The following ARHGEF10 variants were observed in gnomAD, a reference collection of about 807,000 sequenced individuals.
The protein encoded by ARHGEF10 is Rho guanine nucleotide exchange factor (GEF) 10.
A neutral mutation model predicts 147.4 loss-of-function variants in ARHGEF10; 140 were observed. The observed-to-expected ratio is 0.95, with a 90% CI of 0.83 to 1.09. ARHGEF10 has a LOEUF of 1.09. ARHGEF10 is among the 50% of genes least tolerant of loss of function. The pLI, the probability that ARHGEF10 is intolerant of heterozygous loss-of-function variation, is 0.00. For synonymous variants in ARHGEF10, 902 were observed against 695.8 expected (o/e 1.30, Z -4.67); for missense variants, 2,222 against 1,752.7 (o/e 1.27, Z -4.78).
At chr8:1,839,206 T>C (rs1430276781) in intron 1 of ARHGEF10, among the ~76,000 whole-genome samples, 1 of 66,136 alleles carries the variant, frequency 1.5e-5, no homozygotes, top group African/African-American at 6.9e-5. Context: ...GGGACTGTTT[T>C]GTGTGGGGAC....
In ARHGEF10 at chr8:1,851,909, G is replaced by C. The variant is rs540396074; in HGVS notation, c.38-6051G>C. 8.3e-5 allele frequency among the ~76,000 whole-genome samples: 10 copies of C among 120,034 alleles called. No individual in the cohort carries two copies. In the East Asian group the frequency reaches 2.3e-3, roughly 28 times the overall value. 78.7% of individuals were successfully genotyped at this position (120,034 alleles called of 152,430 possible). A position where few individuals can be genotyped will look rare whatever the true frequency, so the allele number is the denominator to read the frequency against. ...AGCGCGGGCAACAGAGCATGACTCTGTCTCAAAAAAAAAAAAAATTAATAA... is the reference window on the plus strand; with the variant it reads ...AGCGCGGGCAACAGAGCATGACTCTCTCTCAAAAAAAAAAAAAATTAATAA... On this transcript the variant is annotated intron_variant, in intron 2 of 28. Transcript: ENST00000349830.
rs1287135996 is a variant in ARHGEF10, at chr8:1,927,948, GA to G, written c.2698-470del. 1.1e-4 allele frequency among the ~76,000 whole-genome samples: 16 copies of G among 150,550 alleles called. No homozygotes were observed. In the South Asian group the frequency reaches 1.9e-3, roughly 18 times the overall value. ...AGAGTGAGACTGTCTCCAAAAAAAA[GA>G]AAAAAAAAGAAATTCCACAGCATAC... On this transcript the variant is annotated intron_variant, in intron 23 of 28. Transcript: ENST00000349830.
chr8:1,956,732 A>G lies in ARHGEF10; in HGVS notation c.3521-17A>G, dbSNP rs1815596394. On this transcript the variant is annotated splice_polypyrimidine_tract_variant and intron_variant, in intron 28 of 28. Transcript: ENST00000349830. ...GCCTATTTTAAAAGACAGCTGTTGA[A>G]CTGTTTCCCTTTTCAGGAAGAGGCA... 1 of 1,613,574 alleles carries G rather than the reference A, an allele frequency of 6.2e-7. No individual in the cohort carries two copies. The highest frequency in any genetic ancestry group is 1.1e-5 in the South Asian group (1 of 91,074).
intron 28 of ARHGEF10, among the ~76,000 whole-genome samples, chr8:1,955,857 G>T (rs1294387559): frequency 6.6e-6 from 1 of 152,260 alleles, no homozygotes; most frequent in Non-Finnish European, 1.5e-5. Flanking sequence ...GATCACAGGT[G>T]TGTGCTTCGC....
chr8:1,892,277 C>CTGTGTGTG (rs66526026), intron 11 of ARHGEF10, among the ~76,000 whole-genome samples: 4,227 of 126,556 alleles, frequency 0.033, 143 homozygotes, highest in African/African-American at 0.069. Context: ...GCTTCTGGCT[C>CTGTGTGTG]TGTGTGTGTG....
chr8:1,831,308 A>G (rs113445074), intron 1 of ARHGEF10, among the ~76,000 whole-genome samples: 1,646 of 58,856 alleles, frequency 0.028, no homozygotes, highest in African/African-American at 0.039. Flanking sequence ...TGTGACATCC[A>G]TGGAGGGACA....
chr8:1,947,557 G>A (rs904417750), intron 27 of ARHGEF10, among the ~76,000 whole-genome samples: 3 of 151,920 alleles, frequency 2.0e-5, no homozygotes, highest in Admixed American at 6.6e-5. Flanking sequence ...CAGCACTCAC[G>A]CCCAGGCTAT....
At chr8:1,861,843 C>G (rs942439271) in intron 4 of ARHGEF10, among the ~76,000 whole-genome samples, 6 of 152,250 alleles carry the variant, frequency 3.9e-5, no homozygotes, top group African/African-American at 1.4e-4. Context: ...GTGTAGGATT[C>G]TTGGCTGAAG....
intron 6 of ARHGEF10, among the ~76,000 whole-genome samples, chr8:1,867,708 T>A (rs1002444088): frequency 6.6e-5 from 10 of 152,234 alleles, no homozygotes; most frequent in African/African-American, 1.7e-4. Context: ...TTGTTTTTTT[T>A]AATTTTTAAA....
rs188626595 is a variant in ARHGEF10, at chr8:1,868,360, C to G, written c.623-834C>G. ...GTATGTTTTTGATGCAGTCATATGTCATAGTTTGGACGTTCTCTTGCAGGG... is the reference window on the plus strand; with the variant it reads ...GTATGTTTTTGATGCAGTCATATGTGATAGTTTGGACGTTCTCTTGCAGGG... On this transcript the variant is annotated intron_variant, in intron 6 of 28. Coordinates refer to ENST00000349830, the MANE Select transcript of ARHGEF10 (RefSeq NM_014629.4). 1.8e-3 allele frequency among the ~76,000 whole-genome samples: 267 copies of G among 152,242 alleles called. 1 individual carries two copies. The highest frequency in any genetic ancestry group is 9.4e-4 in the Non-Finnish European group (64 of 68,026).
At chr8:1,847,448 A>G (rs990786375) in intron 2 of ARHGEF10, among the ~76,000 whole-genome samples, 2 of 152,234 alleles carry the variant, frequency 1.3e-5, no homozygotes, top group African/African-American at 4.8e-5. Flanking sequence ...AATGCAAATT[A>G]CATTAGGGCA....
chr8:1,942,503 G>A lies in ARHGEF10; in HGVS notation c.3223-2978G>A, dbSNP rs115921293. 3.1e-3 allele frequency among the ~76,000 whole-genome samples: 468 copies of A among 152,078 alleles called. 6 individuals carry two copies. The highest frequency in any genetic ancestry group is 0.011 in the African/African-American group (453 of 41,460). ...AGGATGCTGGGAGACTCTTGCTGGT[G>A]GGAATGCAGAATGGTACAATTTCTG... On this transcript the variant is annotated intron_variant, in intron 26 of 28. Coordinates refer to ENST00000349830, the MANE Select transcript of ARHGEF10 (RefSeq NM_014629.4).
chr8:1,851,157 C>A (rs978420611), intron 2 of ARHGEF10, among the ~76,000 whole-genome samples: 1 of 151,678 alleles, frequency 6.6e-6, no homozygotes, highest in African/African-American at 2.4e-5. Context: ...AGGAGCGAGG[C>A]CTCACGCACA....
chr8:1,885,216 A>T (rs1266808957), intron 10 of ARHGEF10, among the ~76,000 whole-genome samples: 1 of 152,198 alleles, frequency 6.6e-6, no homozygotes, highest in Admixed American at 6.5e-5. Flanking sequence ...GTTCTTAGCC[A>T]TTCTTAGCTG....
chr8:1,920,134 G>GGGTGATGAGCTGT (rs1812164261), intron 18 of ARHGEF10, among the ~76,000 whole-genome samples: 24 of 150,680 alleles, frequency 1.6e-4, no homozygotes, highest in East Asian at 1.9e-4. Flanking sequence ...GCTGTTCTGT[G>GGGTGATGAGCTGT]TGCCCTGGAG....
intron 26 of ARHGEF10, among the ~76,000 whole-genome samples, chr8:1,934,618 G>C (rs1813423268): frequency 1.3e-5 from 2 of 152,156 alleles, no homozygotes; most frequent in African/African-American, 4.8e-5. Context: ...CAAAGAATCA[G>C]GAGACAAGTG....
chr8:1,903,166 C>G (rs1207424213), intron 15 of ARHGEF10, 115 bp from the exon 16 acceptor site: 40 of 1,331,254 alleles, frequency 3.0e-5, no homozygotes, highest in Non-Finnish European at 4.2e-5. Context: ...TTATTTTTCC[C>G]CAGGATGGCA....
chr8:1,875,787 T>C (rs986720362), intron 7 of ARHGEF10, among the ~76,000 whole-genome samples: 18 of 152,254 alleles, frequency 1.2e-4, no homozygotes, highest in African/African-American at 4.1e-4. Flanking sequence ...ATGTTACTTA[T>C]GTGCTGAGAT....
intron 5 of ARHGEF10, 24 bp downstream of exon 5, chr8:1,864,460 C>G (rs202169947): frequency 1.9e-6 from 3 of 1,608,222 alleles, no homozygotes; most frequent in East Asian, 4.5e-5. Context: ...TCTTCCCACA[C>G]CTGCTGAATT....
Sources: gnomAD v4.1 joint callset for allele counts (sites outside exome capture counted in the v4.1 genomes callset) on GRCh38, gnomAD v4.1.1 for gene constraint, MANE v1.5 for transcripts, NCBI Gene and HGNC (gene_info 2026-07-23, HGNC 2026-07-21) for gene names.